The following EBF2 variants were observed in gnomAD, a reference collection of about 807,000 sequenced individuals.
EBF2 encodes the protein EBF transcription factor 2, also known as transcription factor COE2.
In EBF2, 21 loss-of-function variants were observed where a neutral mutation model predicts 72.8. That is an observed-to-expected ratio of 0.29 (90% CI 0.20 to 0.42). EBF2 has a LOEUF of 0.42. Among genes scored for constraint, EBF2 ranks in the 10% least tolerant of loss-of-function variants. The probability of loss-of-function intolerance (pLI) is 1.00; values close to 1 mark genes in which losing one functional copy is unlikely to be tolerated. For missense variants in EBF2, 637 were observed against 731.2 expected (o/e 0.87, Z 1.49); for synonymous variants, 299 against 274.2 (o/e 1.09, Z -0.89).
chr8:25,967,969 A>G (rs977988528), intron 6 of EBF2, among the ~76,000 whole-genome samples: 1 of 152,214 alleles, frequency 6.6e-6, no homozygotes, highest in Non-Finnish European at 1.5e-5. Flanking sequence ...ATATACACAC[A>G]ATATGTACTC....
chr8:25,974,445 C>T (rs902350180), intron 6 of EBF2, among the ~76,000 whole-genome samples: 1 of 152,128 alleles, frequency 6.6e-6, no homozygotes, highest in African/African-American at 2.4e-5. Context: ...AGAAGTATCC[C>T]AGTTATCAAA....
At chr8:25,869,638 A>G (rs1206419249) in intron 10 of EBF2, among the ~76,000 whole-genome samples, 1 of 152,194 alleles carries the variant, frequency 6.6e-6, no homozygotes. Flanking sequence ...ATGTAAGAAT[A>G]GCCGTATGTT....
chr8:25,961,230 A>T lies in EBF2; in HGVS notation c.552-52675T>A, dbSNP rs184210267. ...TCTTTCTACTTTTATGTGTCTTAAA[A>T]TTTTCTATAACAGAAGGCTTAAAAT... On this transcript the variant is annotated intron_variant, in intron 6 of 15. Coordinates refer to ENST00000520164, the MANE Select transcript of EBF2 (RefSeq NM_022659.4). Among the ~76,000 whole-genome samples, 615 of 152,312 alleles carry T rather than the reference A, an allele frequency of 4.0e-3. 4 individuals carry two copies. The highest frequency in any genetic ancestry group is 0.014 in the African/African-American group (596 of 41,554).
intron 7 of EBF2, among the ~76,000 whole-genome samples, chr8:25,906,672 C>G (rs1308203509): frequency 2.0e-5 from 3 of 152,060 alleles, no homozygotes; most frequent in African/African-American, 4.8e-5. Flanking sequence ...GAGGGTGAGG[C>G]AGGAGAATTG....
chr8:25,862,179 T>G (rs12678236), intron 11 of EBF2, among the ~76,000 whole-genome samples: 2,302 of 152,300 alleles, frequency 0.015, 115 homozygotes, highest in Admixed American at 0.093. Context: ...AACTAATAAA[T>G]TGATGTACTT....
chr8:25,939,547 G>T (rs1260940806), intron 6 of EBF2, among the ~76,000 whole-genome samples: 1 of 152,180 alleles, frequency 6.6e-6, no homozygotes, highest in Non-Finnish European at 1.5e-5. Context: ...CTAAAACAAA[G>T]CAATGAATTG....
chr8:25,903,957 A>G (rs1168533468), intron 7 of EBF2, among the ~76,000 whole-genome samples: 1 of 152,186 alleles, frequency 6.6e-6, no homozygotes, highest in African/African-American at 2.4e-5. Context: ...GGATACAGAA[A>G]TCATCCAGGA....
chr8:25,867,382 C>T (rs573814247), intron 10 of EBF2, among the ~76,000 whole-genome samples: 1 of 152,290 alleles, frequency 6.6e-6, no homozygotes, highest in African/African-American at 2.4e-5. Context: ...GCATTTTAGC[C>T]AAGCCAACAG....
chr8:26,000,157 C>A (rs1804701292), intron 6 of EBF2, among the ~76,000 whole-genome samples: 1 of 152,134 alleles, frequency 6.6e-6, no homozygotes, highest in African/African-American at 2.4e-5. Flanking sequence ...ACTCCCAAAT[C>A]CTCCTCACAC....
chr8:25,870,447 C>T (rs1802416602), intron 10 of EBF2, among the ~76,000 whole-genome samples: 1 of 152,216 alleles, frequency 6.6e-6, no homozygotes, highest in African/African-American at 2.4e-5. Flanking sequence ...CTGTCCCCCA[C>T]CCTGGCAAGT....
chr8:25,862,309 C>A (rs1320701083), intron 11 of EBF2, among the ~76,000 whole-genome samples: 2 of 152,112 alleles, frequency 1.3e-5, no homozygotes, highest in Non-Finnish European at 2.9e-5. Flanking sequence ...TCATTAGATA[C>A]CTACGTACAT....
chr8:25,977,747 A>G (rs1167976683), intron 6 of EBF2, among the ~76,000 whole-genome samples: 1 of 152,146 alleles, frequency 6.6e-6, no homozygotes, highest in East Asian at 1.9e-4. Flanking sequence ...TACAAATGCT[A>G]TTGGCTGACA....
At chr8:26,026,590 T>C (rs1426855863) in intron 6 of EBF2, among the ~76,000 whole-genome samples, 1 of 152,200 alleles carries the variant, frequency 6.6e-6, no homozygotes, top group Non-Finnish European at 1.5e-5. Flanking sequence ...AGGATGGACA[T>C]TCTGTCAAAT....
chr8:26,009,188 CTT>C (rs1804937523), intron 6 of EBF2, among the ~76,000 whole-genome samples: 1 of 146,186 alleles, frequency 6.8e-6, no homozygotes, highest in Non-Finnish European at 1.5e-5. Flanking sequence ...TTATTTTGCT[CTT>C]TCTTTCCTTT....
chr8:25,938,037 G>GA (rs898338447), intron 6 of EBF2, among the ~76,000 whole-genome samples: 4 of 152,054 alleles, frequency 2.6e-5, no homozygotes, highest in African/African-American at 7.2e-5. Flanking sequence ...ACAGAGATCT[G>GA]AAAAAAAGGA....
At chr8:26,031,673 T>A (rs1033113822) in intron 6 of EBF2, 3 of 152,022 alleles carry the variant, frequency 2.0e-5, no homozygotes, top group African/African-American at 7.3e-5. Flanking sequence ...CGACCTCAAG[T>A]GATCTGCCCA....
intron 6 of EBF2, among the ~76,000 whole-genome samples, chr8:25,934,784 C>T (rs2117149849): frequency 6.6e-6 from 1 of 152,312 alleles, no homozygotes; most frequent in East Asian, 1.9e-4. Context: ...ATGACGTATG[C>T]ATCCCGTATC....
intron 6 of EBF2, among the ~76,000 whole-genome samples, chr8:25,940,248 A>G (rs1273281079): frequency 6.6e-6 from 1 of 152,222 alleles, no homozygotes; most frequent in African/African-American, 2.4e-5. Context: ...AGTATTTTAC[A>G]CAACAGTTTT....
chr8:25,879,714 C>A (rs1357433286), intron 10 of EBF2, among the ~76,000 whole-genome samples: 1 of 152,184 alleles, frequency 6.6e-6, no homozygotes, highest in Non-Finnish European at 1.5e-5. Flanking sequence ...TTTAATCCTG[C>A]ATGCTGGTGT....
Sources: gnomAD v4.1 joint callset for allele counts (sites outside exome capture counted in the v4.1 genomes callset) on GRCh38, gnomAD v4.1.1 for gene constraint, MANE v1.5 for transcripts, NCBI Gene and HGNC (gene_info 2026-07-23, HGNC 2026-07-21) for gene names.